The following RABGAP1L variants were observed in gnomAD, a reference collection of about 807,000 sequenced individuals.
The protein encoded by RABGAP1L is rab GTPase-activating protein 1-like.
A neutral mutation model predicts 137.7 loss-of-function variants in RABGAP1L; 63 were observed. The observed-to-expected ratio is 0.46, with a 90% CI of 0.37 to 0.56. The LOEUF (loss-of-function observed/expected upper bound fraction) is 0.56, where lower values mean the gene tolerates loss of function less well. Among genes scored for constraint, RABGAP1L ranks in the 20% least tolerant of loss-of-function variants. The probability of loss-of-function intolerance (pLI) is 0.00; values close to 1 mark genes in which losing one functional copy is unlikely to be tolerated. For missense variants in RABGAP1L, 1,095 were observed against 1,244.0 expected, an observed-to-expected ratio of 0.88 and a Z score of 1.80; for synonymous variants, 431 against 433.7, an observed-to-expected ratio of 0.99 and a Z score of 0.08.
At chr1:174,191,002 A>T (rs1175175613) in intron 1 of RABGAP1L, among the ~76,000 whole-genome samples, 1 of 152,210 alleles carries the variant, frequency 6.6e-6, no homozygotes, top group Non-Finnish European at 1.5e-5. Flanking sequence ...AGAGACTTTA[A>T]ACTCTGAAGT....
At chr1:174,408,786 T>G (rs997025857) in intron 13 of RABGAP1L, among the ~76,000 whole-genome samples, 2 of 152,312 alleles carry the variant, frequency 1.3e-5, no homozygotes, top group Middle Eastern at 3.4e-3. Context: ...GGTTTCTCAT[T>G]GTGATTTTGA....
chr1:174,935,519 A>T (rs1366708403), intron 19 of RABGAP1L: 1 of 152,248 alleles, frequency 6.6e-6, no homozygotes, highest in African/African-American at 2.4e-5. Flanking sequence ...GAAAAAGGAA[A>T]TATGAAAGAC....
At chr1:174,575,093 G>T (rs1668277969) in intron 13 of RABGAP1L, among the ~76,000 whole-genome samples, 1 of 152,120 alleles carries the variant, frequency 6.6e-6, no homozygotes, top group African/African-American at 2.4e-5. Context: ...ACCACACCTG[G>T]CTAATTTTGT....
At chr1:174,759,413 A>G (rs1476430526) in intron 18 of RABGAP1L, among the ~76,000 whole-genome samples, 2 of 151,822 alleles carry the variant, frequency 1.3e-5, no homozygotes, top group African/African-American at 4.8e-5. Flanking sequence ...TGGCCAACAT[A>G]GTGAAACCCT....
chr1:174,380,098 T>G (rs996055993), intron 12 of RABGAP1L, among the ~76,000 whole-genome samples: 2 of 150,448 alleles, frequency 1.3e-5, no homozygotes, highest in Admixed American at 1.3e-4. Flanking sequence ...ATTTATTGAT[T>G]TGCGTATATT....
intron 13 of RABGAP1L, among the ~76,000 whole-genome samples, chr1:174,563,950 A>G (rs1232247818): frequency 6.6e-6 from 1 of 152,136 alleles, no homozygotes; most frequent in Admixed American, 6.5e-5. Flanking sequence ...AAAAAAAATT[A>G]TGCCTTTTTC....
intron 19 of RABGAP1L, among the ~76,000 whole-genome samples, chr1:174,846,464 C>T (rs1385968621): frequency 1.3e-5 from 2 of 148,202 alleles, no homozygotes; most frequent in Non-Finnish European, 3.0e-5. Flanking sequence ...ATCTTTATTT[C>T]TGCCTTCATT....
chr1:174,451,783 T>C (rs1477808882), intron 13 of RABGAP1L, among the ~76,000 whole-genome samples: 1 of 152,224 alleles, frequency 6.6e-6, no homozygotes. Flanking sequence ...CTTAAAAGTT[T>C]CTTTTATTAA....
At chr1:174,659,770 A>G (rs1676236750) in intron 14 of RABGAP1L, among the ~76,000 whole-genome samples, 1 of 152,224 alleles carries the variant, frequency 6.6e-6, no homozygotes, top group South Asian at 2.1e-4. Flanking sequence ...GCCTATGTAA[A>G]ACAGAATGTT....
chr1:174,383,675 C>G (rs1686441359), intron 12 of RABGAP1L, among the ~76,000 whole-genome samples: 2 of 152,154 alleles, frequency 1.3e-5, no homozygotes, highest in African/African-American at 4.8e-5. Flanking sequence ...ACCCACTGGC[C>G]TGCACCCACT....
intron 19 of RABGAP1L, among the ~76,000 whole-genome samples, chr1:174,822,047 G>A (rs901197138): frequency 1.3e-5 from 2 of 152,346 alleles, no homozygotes; most frequent in East Asian, 3.9e-4. Flanking sequence ...TGGATCACGA[G>A]GTCAGGAGTT....
intron 19 of RABGAP1L, among the ~76,000 whole-genome samples, chr1:174,951,641 C>T (rs1302947604): frequency 6.6e-6 from 1 of 152,158 alleles, no homozygotes; most frequent in Non-Finnish European, 1.5e-5. Context: ...CACATCTTCT[C>T]AAGCATGTAC....
At chr1:174,239,402 C>G (rs904573145) in intron 4 of RABGAP1L, among the ~76,000 whole-genome samples, 6 of 152,162 alleles carry the variant, frequency 3.9e-5, no homozygotes, top group East Asian at 3.9e-4. Context: ...ATAGGACTTA[C>G]CAGTCATATT....
chr1:174,462,764 T>A (rs1265829520), intron 13 of RABGAP1L, among the ~76,000 whole-genome samples: 1 of 152,164 alleles, frequency 6.6e-6, no homozygotes, highest in Non-Finnish European at 1.5e-5. Context: ...CTCTCTCTTA[T>A]AAGTGAAAAC....
chr1:174,754,663 A>G (rs1684585131), intron 18 of RABGAP1L, among the ~76,000 whole-genome samples: 1 of 152,044 alleles, frequency 6.6e-6, no homozygotes, highest in African/African-American at 2.4e-5. Flanking sequence ...CACCATGCCC[A>G]GCTAATTTTA....
intron 19 of RABGAP1L, among the ~76,000 whole-genome samples, chr1:174,924,979 A>G (rs553777144): frequency 3.3e-5 from 5 of 152,316 alleles, no homozygotes; most frequent in Admixed American, 6.5e-5. Flanking sequence ...GGTAGATTTC[A>G]CTGAAAAGGT....
rs1036794427 is a variant in RABGAP1L, at chr1:174,410,774, A to G, written c.1710+16629A>G. ...AGAATAGTTTTTTTCTAGTTCTGTG[A>G]AAACTAATGTTGGTAGTTGAATAGA... On this transcript the variant is annotated intron_variant, in intron 13 of 25. Coordinates refer to ENST00000681986, the MANE Select transcript of RABGAP1L (RefSeq NM_001366446.1). Among the ~76,000 whole-genome samples the G allele has an allele frequency of 6.6e-5, 10 of 152,186 alleles. No individual in the cohort carries two copies. The East Asian group carries it at 1.5e-3, about 23-fold the overall frequency.
chr1:174,799,764 A>T (rs1233995717), intron 18 of RABGAP1L: 2 of 816,414 alleles, frequency 2.4e-6, no homozygotes, highest in Non-Finnish European at 2.9e-6. Context: ...GAGAGGCAGC[A>T]GCAGCAGCAG....
chr1:174,549,240 C>G (rs929900874), intron 13 of RABGAP1L, among the ~76,000 whole-genome samples: 1 of 152,080 alleles, frequency 6.6e-6, no homozygotes, highest in Non-Finnish European at 1.5e-5. Context: ...TTTCAGTATA[C>G]TAGTAGATCT....
Sources: allele counts gnomAD v4.1 joint callset (sites outside exome capture counted in the v4.1 genomes callset), GRCh38; gene constraint gnomAD v4.1.1; transcripts MANE v1.5; gene names NCBI Gene and HGNC (gene_info 2026-07-23, HGNC 2026-07-21).